Variants in TRPM3 observed in about 807,000 individuals in gnomAD.
TRPM3 encodes the protein transient receptor potential cation channel subfamily M member 3.
TRPM3 carries 77 observed loss-of-function variants against 181.2 expected under a neutral mutation model. The observed-to-expected ratio is 0.42, with a 90% CI of 0.35 to 0.51. The LOEUF is 0.51. TRPM3 is among the 20% of genes least tolerant of loss of function. The pLI is 0.01. For missense variants in TRPM3, 1,759 were observed against 2,196.7 expected, an observed-to-expected ratio of 0.80 and a Z score of 3.98; for synonymous variants, 745 against 796.4, an observed-to-expected ratio of 0.94 and a Z score of 1.09.
At chr9:70,891,295 A>G (rs1201948452) in intron 1 of TRPM3, among the ~76,000 whole-genome samples, 1 of 152,208 alleles carries the variant, frequency 6.6e-6, no homozygotes, top group Non-Finnish European at 1.5e-5. Context: ...TGTTAACTGT[A>G]TGGAGAGTGA....
chr9:70,992,194 G>A (rs1268764671), intron 1 of TRPM3, among the ~76,000 whole-genome samples: 1 of 152,180 alleles, frequency 6.6e-6, no homozygotes, highest in African/African-American at 2.4e-5. Context: ...TGGTCCTTTT[G>A]TGCATATGGG....
At chr9:71,444,230 T>C (rs1383292037) in intron 1 of TRPM3, among the ~76,000 whole-genome samples, 1 of 148,784 alleles carries the variant, frequency 6.7e-6, no homozygotes, top group East Asian at 2.0e-4. Flanking sequence ...GACAGAGTCA[T>C]GGACTATATC....
At position 71,278,572 on chromosome 9, in the gene TRPM3, C is replaced by A. The variant is rs1443413549; in HGVS notation, c.183+168081G>T. Among the ~76,000 whole-genome samples, 4 of 152,298 alleles carry A rather than the reference C, an allele frequency of 2.6e-5. No individual in the cohort carries two copies. The East Asian group carries it at 7.7e-4, about 29-fold the overall frequency. On this transcript the variant is annotated intron_variant, in intron 1 of 24. Transcript: ENST00000357533. Reference sequence around the variant, plus strand: ...AGGTTATTAGGCACAAAGAAAAGTACATATGCAACATCATATAATATAAGA... The same window carrying A: ...AGGTTATTAGGCACAAAGAAAAGTAAATATGCAACATCATATAATATAAGA...
intron 1 of TRPM3, among the ~76,000 whole-genome samples, chr9:71,329,561 A>C (rs181449438): frequency 6.6e-6 from 1 of 152,222 alleles, no homozygotes; most frequent in African/African-American, 2.4e-5. Flanking sequence ...ATTATATTGC[A>C]TAAGGGAGAG....
At chr9:71,155,685 C>T (rs1289444116) in intron 1 of TRPM3, among the ~76,000 whole-genome samples, 1 of 151,912 alleles carries the variant, frequency 6.6e-6, no homozygotes, top group African/African-American at 2.4e-5. Context: ...GAGATACATA[C>T]ATCTACAAGA....
At chr9:70,699,959 AT>A (rs1462828107) in intron 8 of TRPM3, among the ~76,000 whole-genome samples, 1 of 152,110 alleles carries the variant, frequency 6.6e-6, no homozygotes, top group Non-Finnish European at 1.5e-5. Context: ...TGCTGCGAGC[AT>A]GGGGCTGCTC....
chr9:70,558,732 G>A (rs2048342030), intron 22 of TRPM3, among the ~76,000 whole-genome samples: 1 of 152,184 alleles, frequency 6.6e-6, no homozygotes, highest in Admixed American at 6.5e-5. Flanking sequence ...GCTGGTCATA[G>A]CTTAAGATTA....
intron 9 of TRPM3, among the ~76,000 whole-genome samples, chr9:70,674,213 G>T (rs1157557328): frequency 6.6e-6 from 1 of 152,104 alleles, no homozygotes; most frequent in East Asian, 1.9e-4. Flanking sequence ...ATACATTCAT[G>T]AATCATGAGG....
intron 1 of TRPM3, among the ~76,000 whole-genome samples, chr9:71,195,512 G>A (rs1297518021): frequency 1.3e-5 from 2 of 152,038 alleles, no homozygotes; most frequent in Non-Finnish European, 2.9e-5. Flanking sequence ...GTTGGTGGGA[G>A]TATAAATTAG....
chr9:70,656,428 T>A (rs973365890), intron 9 of TRPM3, among the ~76,000 whole-genome samples: 4 of 152,246 alleles, frequency 2.6e-5, no homozygotes, highest in African/African-American at 9.6e-5. Context: ...GAAAAGACTG[T>A]TACCATCTTT....
chr9:70,743,604 A>G (rs1027294518), intron 8 of TRPM3, among the ~76,000 whole-genome samples: 1 of 152,074 alleles, frequency 6.6e-6, no homozygotes, highest in African/African-American at 2.4e-5. Context: ...GGAGTCATCC[A>G]GCTGTCCTGT....
chr9:71,322,971 AC>A (rs1378164533), intron 1 of TRPM3, among the ~76,000 whole-genome samples: 2 of 152,128 alleles, frequency 1.3e-5, no homozygotes, highest in South Asian at 2.1e-4. Context: ...ACTTTCATTT[AC>A]CTTTTTGCAA....
chr9:70,816,727 T>G (rs553457709), intron 6 of TRPM3, among the ~76,000 whole-genome samples: 1 of 152,340 alleles, frequency 6.6e-6, no homozygotes, highest in African/African-American at 2.4e-5. Flanking sequence ...AAATATGTGG[T>G]AAAGGATCCA....
At chr9:70,644,811 A>ATT (rs878991522) in intron 9 of TRPM3, among the ~76,000 whole-genome samples, 1 of 152,190 alleles carries the variant, frequency 6.6e-6, no homozygotes, top group East Asian at 1.9e-4. Flanking sequence ...AGAAAGCCCC[A>ATT]TTGTTTCAGC....
chr9:70,755,611 C>A (rs917308660), intron 8 of TRPM3, among the ~76,000 whole-genome samples: 1 of 152,094 alleles, frequency 6.6e-6, no homozygotes, highest in Non-Finnish European at 1.5e-5. Context: ...AGGTGATCCG[C>A]CTGCCTCGGC....
chr9:70,851,962 A>G (rs544196003), intron 3 of TRPM3, among the ~76,000 whole-genome samples: 14 of 151,940 alleles, frequency 9.2e-5, no homozygotes, highest in African/African-American at 2.9e-4. Context: ...TACTAAAAAT[A>G]CAAAAAATTC....
intron 1 of TRPM3, among the ~76,000 whole-genome samples, chr9:71,158,010 G>A (rs889313033): frequency 6.6e-6 from 1 of 152,142 alleles, no homozygotes; most frequent in African/African-American, 2.4e-5. Context: ...TGTCATGCAA[G>A]ACTGGTAATG....
chr9:70,830,385 ACTTT>A (rs1385367502), intron 5 of TRPM3, among the ~76,000 whole-genome samples: 1 of 152,118 alleles, frequency 6.6e-6, no homozygotes, highest in African/African-American at 2.4e-5. Context: ...CTGACTTTTG[ACTTT>A]CTTTTCTTGT....
At chr9:71,337,058 CTA>C (rs1289299122) in intron 1 of TRPM3, among the ~76,000 whole-genome samples, 1 of 152,128 alleles carries the variant, frequency 6.6e-6, no homozygotes, top group Non-Finnish European at 1.5e-5. Context: ...GACTTCATGA[CTA>C]AAACACGAAA....
Sources: gnomAD v4.1 joint callset for allele counts (sites outside exome capture counted in the v4.1 genomes callset) on GRCh38, gnomAD v4.1.1 for gene constraint, MANE v1.5 for transcripts, NCBI Gene and HGNC (gene_info 2026-07-23, HGNC 2026-07-21) for gene names.